The following GTF2F2 variants were observed in gnomAD, a reference collection of about 807,000 sequenced individuals.
The protein encoded by GTF2F2 is general transcription factor IIF subunit 2.
GTF2F2 carries 23 observed loss-of-function variants against 42.2 expected under a neutral mutation model. The ratio of observed to expected loss-of-function variants is 0.55; its 90% confidence interval spans 0.39 to 0.77. GTF2F2 has a LOEUF of 0.77. GTF2F2 is among the 30% of genes least tolerant of loss of function. The probability of loss-of-function intolerance (pLI) is 0.00; values close to 1 mark genes in which losing one functional copy is unlikely to be tolerated. For missense variants in GTF2F2, 261 were observed against 287.2 expected (o/e 0.91, Z 0.66); for synonymous variants, 105 against 100.8 (o/e 1.04, Z -0.25).
At chr13:45,191,224 A>AAAAAAAAAATATATATATATAT in intron 4 of GTF2F2, among the ~76,000 whole-genome samples, 52 of 75,280 alleles carry the variant, frequency 6.9e-4, no homozygotes, top group Admixed American at 9.5e-4. Context: ...ACAAAAAAAA[A>AAAAAAAAAATATATATATATAT]ATATATATAT....
At chr13:45,234,910 T>G (rs1874877912) in intron 5 of GTF2F2, among the ~76,000 whole-genome samples, 1 of 151,992 alleles carries the variant, frequency 6.6e-6, no homozygotes, top group Non-Finnish European at 1.5e-5. Context: ...CCGGGCATGG[T>G]GGCGCATGCC....
chr13:45,181,336 A>G (rs1872161004), intron 4 of GTF2F2, among the ~76,000 whole-genome samples: 1 of 152,066 alleles, frequency 6.6e-6, no homozygotes, highest in African/African-American at 2.4e-5. Context: ...ACCTTGAAAT[A>G]TATTTTATTT....
At chr13:45,154,055 A>G (rs1451129883) in intron 4 of GTF2F2, among the ~76,000 whole-genome samples, 6 of 151,762 alleles carry the variant, frequency 4.0e-5, no homozygotes, top group South Asian at 2.1e-4. Flanking sequence ...ATGAGATTTA[A>G]TAAGATCTGT....
At chr13:45,262,521 G>A (rs1046146149) in intron 6 of GTF2F2, among the ~76,000 whole-genome samples, 11 of 152,074 alleles carry the variant, frequency 7.2e-5, no homozygotes, top group African/African-American at 2.7e-4. Context: ...CCTGCCTCCT[G>A]GGCTCAAGTG....
At chr13:45,270,171 C>T (rs1593528346) in intron 7 of GTF2F2, among the ~76,000 whole-genome samples, 1 of 152,096 alleles carries the variant, frequency 6.6e-6, no homozygotes, top group African/African-American at 2.4e-5. Flanking sequence ...GCTAGAGAAA[C>T]TTTGCTTAGG....
intron 5 of GTF2F2, among the ~76,000 whole-genome samples, chr13:45,235,622 C>T (rs1027821337): frequency 3.3e-5 from 5 of 151,630 alleles, no homozygotes; most frequent in Non-Finnish European, 7.4e-5. Context: ...TAGAGTCCCG[C>T]TGTGTTGCCC....
chr13:45,175,721 C>T (rs569725238), intron 4 of GTF2F2, among the ~76,000 whole-genome samples: 1 of 152,284 alleles, frequency 6.6e-6, no homozygotes, highest in Non-Finnish European at 1.5e-5. Flanking sequence ...CTCCCGGGTT[C>T]AGGTGATTCT....
intron 2 of GTF2F2, among the ~76,000 whole-genome samples, chr13:45,137,295 A>G (rs767058560): frequency 6.6e-6 from 1 of 152,242 alleles, no homozygotes; most frequent in Non-Finnish European, 1.5e-5. Flanking sequence ...TAGAAAGGAA[A>G]GCCTCTAAAG....
chr13:45,212,055 G>T lies in GTF2F2; in HGVS notation c.386+4550G>T, dbSNP rs79087759. ...AAAGGATCTGTTTACAGACAGTGTC[G>T]TGGAGGAAAGGCATAGCAACGTGGT... On this transcript the variant is annotated intron_variant, in intron 5 of 7. Coordinates refer to ENST00000340473, the MANE Select transcript of GTF2F2 (RefSeq NM_004128.3). 5.4e-3 allele frequency among the ~76,000 whole-genome samples: 818 copies of T among 152,186 alleles called. 7 individuals carry two copies. Among genetic ancestry groups the T allele is most frequent in the African/African-American group, 0.019 (774 of 41,520 alleles).
chr13:45,236,979 G>A (rs1417509338), intron 5 of GTF2F2, among the ~76,000 whole-genome samples: 1 of 152,130 alleles, frequency 6.6e-6, no homozygotes, highest in African/African-American at 2.4e-5. Context: ...TTCAGGAGAT[G>A]TTCCAATGAA....
intron 7 of GTF2F2, among the ~76,000 whole-genome samples, chr13:45,274,472 A>ACC (rs1876940005): frequency 6.6e-6 from 1 of 151,854 alleles, no homozygotes; most frequent in African/African-American, 2.4e-5. Flanking sequence ...GATTACAGGC[A>ACC]CATGCCACCA....
At chr13:45,181,045 T>C (rs1490345476) in intron 4 of GTF2F2, among the ~76,000 whole-genome samples, 1 of 151,824 alleles carries the variant, frequency 6.6e-6, no homozygotes, top group Non-Finnish European at 1.5e-5. Context: ...GCCGGTAGTG[T>C]AGTTCCAGCT....
At chr13:45,130,241 G>A (rs1416235961) in intron 1 of GTF2F2, among the ~76,000 whole-genome samples, 4 of 152,226 alleles carry the variant, frequency 2.6e-5, no homozygotes, top group African/African-American at 9.6e-5. Flanking sequence ...GCTAGTGATT[G>A]TGAGACTTTG....
intron 5 of GTF2F2, among the ~76,000 whole-genome samples, chr13:45,232,438 G>C (rs1048581106): frequency 1.3e-5 from 2 of 151,986 alleles, no homozygotes; most frequent in East Asian, 3.9e-4. Context: ...ACCAGCCTGG[G>C]TAACACAGTG....
rs1024899804 is a variant in GTF2F2, at chr13:45,162,980, C to G, written c.304+11149C>G. Among the ~76,000 whole-genome samples, 24 of 138,728 alleles carry G rather than the reference C, an allele frequency of 1.7e-4. No individual in the cohort carries two copies. The South Asian group carries it at 2.9e-3, about 17-fold the overall frequency. The allele number at this position is 138,728 out of a possible 152,430, so 91.0% of individuals were successfully genotyped here. On this transcript the variant is annotated intron_variant, in intron 4 of 7. Coordinates refer to ENST00000340473, the MANE Select transcript of GTF2F2 (RefSeq NM_004128.3). Reference sequence around the variant, plus strand: ...GAGGTAACTGTTGTCCTGGAGTTGGCGTGTATTATTGTGACTCATTATGAC... The same window carrying G: ...GAGGTAACTGTTGTCCTGGAGTTGGGGTGTATTATTGTGACTCATTATGAC...
chr13:45,262,653 A>C (rs1876392132), intron 6 of GTF2F2, among the ~76,000 whole-genome samples: 2 of 152,104 alleles, frequency 1.3e-5, no homozygotes, highest in African/African-American at 4.8e-5. Context: ...TCCTAAGCTC[A>C]AGCGATCCGC....
rs139420301 is a variant in GTF2F2 at position 45,262,525 on chromosome 13, T to C, written c.487-4708T>C. On this transcript the variant is annotated intron_variant, in intron 6 of 7. Transcript: ENST00000340473. The stretch of plus-strand genomic sequence containing the variant: ...TCACTGCAGCCCCTGCCTCCTGGGC[T>C]CAAGTGATCCTCCCACCTCAGCCTC... Among the ~76,000 whole-genome samples the C allele has an allele frequency of 5.8e-4, 89 of 152,240 alleles. No individual in the cohort carries two copies. In the East Asian group the frequency reaches 0.016, roughly 28 times the overall value.
intron 5 of GTF2F2, among the ~76,000 whole-genome samples, chr13:45,224,025 A>G (rs1366537236): frequency 6.6e-6 from 1 of 152,248 alleles, no homozygotes; most frequent in African/African-American, 2.4e-5. Context: ...ATTAAACTGT[A>G]TCCATACTTC....
chr13:45,128,382 G>T (rs991192717), intron 1 of GTF2F2, among the ~76,000 whole-genome samples: 1 of 148,870 alleles, frequency 6.7e-6, no homozygotes, highest in Non-Finnish European at 1.5e-5. Context: ...AGACCAGCCT[G>T]ACCAATATGG....
Sources: gnomAD v4.1 joint callset for allele counts (sites outside exome capture counted in the v4.1 genomes callset) on GRCh38, gnomAD v4.1.1 for gene constraint, MANE v1.5 for transcripts, NCBI Gene and HGNC (gene_info 2026-07-23, HGNC 2026-07-21) for gene names.